Variants in TXNDC12 observed in about 807,000 individuals in gnomAD.
The protein encoded by TXNDC12 is thioredoxin domain containing 12.
In TXNDC12, 22 loss-of-function variants were observed where a neutral mutation model predicts 24.2. The ratio of observed to expected loss-of-function variants is 0.91; its 90% confidence interval spans 0.65 to 1.30. The LOEUF (loss-of-function observed/expected upper bound fraction) is 1.30. TXNDC12 is among the 50% of genes most tolerant of loss of function. The pLI is 0.00. For synonymous variants in TXNDC12, 58 were observed against 73.4 expected (o/e 0.79, Z 1.07); for missense variants, 184 against 205.8 (o/e 0.89, Z 0.65).
chr1:52,055,126 A>T lies in TXNDC12; in HGVS notation c.-30T>A. The stretch of plus-strand genomic sequence containing the variant: ...GTAGGTGCGCGGGGCCACGGGGCTG[A>T]GCGGACGCAGGGCCGGAGTCCCAGC... On this transcript the variant is annotated 5_prime_UTR_variant, in exon 1 of 7. Transcript: ENST00000371626. 6.5e-7 allele frequency: 1 copy of T among 1,538,688 alleles called. No individual in the cohort carries two copies. The highest frequency in any genetic ancestry group is 9.0e-7 in the Non-Finnish European group (1 of 1,111,966).
intron 6 of TXNDC12, among the ~76,000 whole-genome samples, chr1:52,022,156 C>T (rs1685607456): frequency 6.6e-6 from 1 of 152,144 alleles, no homozygotes; most frequent in African/African-American, 2.4e-5. Flanking sequence ...TCCTCCCCGT[C>T]CCTAGTCTGA....
rs1242032235 is a variant in TXNDC12, at chr1:52,032,690, C to CATTAAAAAA, written c.159-4061_159-4060insTTTTTTAAT. ...AGAAGCCATGGCTTCCCCCCTACCT[C>CATTAAAAAA]CTCTGGTCAGTGCAGGCTCTGGCTC... is the stretch of plus-strand genomic sequence containing the variant. On this transcript the variant is annotated intron_variant, in intron 2 of 6. Coordinates refer to ENST00000371626, the MANE Select transcript of TXNDC12 (RefSeq NM_015913.4). 3.2e-6 allele frequency: 5 copies of CATTAAAAAA among 1,586,642 alleles called. No homozygotes were observed. The Admixed American group carries it at 5.4e-5, about 17-fold the overall frequency.
intron 4 of TXNDC12, among the ~76,000 whole-genome samples, chr1:52,025,573 T>A (rs1303221472): frequency 6.6e-6 from 1 of 152,148 alleles, no homozygotes; most frequent in East Asian, 1.9e-4. Context: ...TATGAAGACG[T>A]TTTTACTGTT....
chr1:52,030,923 T>C (rs1685741941), intron 2 of TXNDC12, among the ~76,000 whole-genome samples: 1 of 152,264 alleles, frequency 6.6e-6, no homozygotes, highest in African/African-American at 2.4e-5. Context: ...ACATTCATGC[T>C]TATTTGTTTA....
At chr1:52,035,067 C>T (rs1387785212) in intron 2 of TXNDC12, among the ~76,000 whole-genome samples, 2 of 152,114 alleles carry the variant, frequency 1.3e-5, no homozygotes, top group Non-Finnish European at 2.9e-5. Flanking sequence ...CCTGGCCATC[C>T]GTTATTTTTA....
chr1:52,021,686 A>G (rs975328327), intron 6 of TXNDC12, among the ~76,000 whole-genome samples: 2 of 151,942 alleles, frequency 1.3e-5, no homozygotes, highest in Admixed American at 6.6e-5. Flanking sequence ...GGGGACAGCT[A>G]TTTCAGTATA....
intron 6 of TXNDC12, among the ~76,000 whole-genome samples, chr1:52,022,805 A>T (rs1479935793): frequency 6.7e-6 from 1 of 150,204 alleles, no homozygotes; most frequent in Non-Finnish European, 1.5e-5. Flanking sequence ...CACGCCAGCT[A>T]ATTTTTTGTA....
At chr1:52,024,731 C>T (rs1265867215) in intron 4 of TXNDC12, 152 bp from the exon 5 acceptor site, 1 of 608,252 alleles carries the variant, frequency 1.6e-6, no homozygotes, top group East Asian at 2.8e-5. Context: ...ACTTCTCTAA[C>T]TTAATGTCCT....
chr1:52,055,333 G>GA, upstream of TXNDC12: 1 of 478,386 alleles, frequency 2.1e-6, no homozygotes, highest in Non-Finnish European at 3.8e-6. Context: ...AGCTGTTCTC[G>GA]AGCGCGAGTT....
At chr1:52,039,163 G>A (rs971270831) in intron 2 of TXNDC12, among the ~76,000 whole-genome samples, 25 of 148,902 alleles carry the variant, frequency 1.7e-4, no homozygotes, top group African/African-American at 6.2e-4. Flanking sequence ...TCAGTCTACA[G>A]TACATATCAA....
At chr1:52,032,146 A>G in intron 2 of TXNDC12, 1 of 968,908 alleles carries the variant, frequency 1.0e-6, no homozygotes, top group Non-Finnish European at 1.2e-6. Context: ...AATCTAGTAG[A>G]TAACTTTCTT....
In TXNDC12 at chr1:52,032,312, C is replaced by T. The variant is rs1035301533; in HGVS notation, c.159-3682G>A. On this transcript the variant is annotated intron_variant, in intron 2 of 6. Coordinates refer to ENST00000371626, the MANE Select transcript of TXNDC12 (RefSeq NM_015913.4). ...AGGTGCAGATGTAGAACTGTACCATCTTCAGTTTCTGTTCACAATTGTTTT... is the reference window on the plus strand; with the variant it reads ...AGGTGCAGATGTAGAACTGTACCATTTTCAGTTTCTGTTCACAATTGTTTT... 5.9e-6 allele frequency: 6 copies of T among 1,009,544 alleles called. No individual in the cohort carries two copies. In the Admixed American group the frequency reaches 3.2e-4, roughly 54 times the overall value. 62.5% of individuals were successfully genotyped at this position (1,009,544 alleles called of 1,614,324 possible). A position where few individuals can be genotyped will look rare whatever the true frequency, so the allele number is the denominator to read the frequency against.
chr1:52,034,514 G>C (rs189103675), intron 2 of TXNDC12, among the ~76,000 whole-genome samples: 4 of 152,272 alleles, frequency 2.6e-5, no homozygotes, highest in African/African-American at 9.6e-5. Flanking sequence ...ACATTTTTAA[G>C]CTTAAGTGTG....
At position 52,020,308 on chromosome 1, in the gene TXNDC12, G is replaced by T; in HGVS notation, c.*625C>A. 1 of 397,072 alleles carries T rather than the reference G, an allele frequency of 2.5e-6. No individual in the cohort carries two copies. Among genetic ancestry groups the T allele is most frequent in the Non-Finnish European group, 5.0e-6 (1 of 201,434 alleles). 24.6% of individuals were successfully genotyped at this position (397,072 alleles called of 1,614,324 possible). On this transcript the variant is annotated 3_prime_UTR_variant, in exon 7 of 7. Transcript: ENST00000371626. ...TGCTTCCACCTGGAGCCGAGTCCAAGCACACAGCCAGTCCTGCACACGCAT... is the reference window on the plus strand; with the variant it reads ...TGCTTCCACCTGGAGCCGAGTCCAATCACACAGCCAGTCCTGCACACGCAT...
intron 1 of TXNDC12, among the ~76,000 whole-genome samples, chr1:52,043,098 C>T (rs144843027): frequency 2.2e-4 from 33 of 152,326 alleles, no homozygotes; most frequent in African/African-American, 5.8e-4. Context: ...CACGCACTCT[C>T]TCCCCTCCAG....
At chr1:52,025,915 T>C (rs2783177) in intron 4 of TXNDC12, among the ~76,000 whole-genome samples, 5,541 of 151,788 alleles carry the variant, frequency 0.037, 130 homozygotes, top group African/African-American at 0.043. Context: ...CTGCAACCTC[T>C]GCCTCCTGGG....
In TXNDC12 at chr1:52,029,569, T is replaced by C. The variant is rs149931744; in HGVS notation, c.159-939A>G. Among the ~76,000 whole-genome samples the C allele has an allele frequency of 1.1e-3, 162 of 152,332 alleles. 3 individuals are homozygous for C. In the East Asian group the frequency reaches 0.022, roughly 21 times the overall value. On this transcript the variant is annotated intron_variant, in intron 2 of 6. Coordinates refer to ENST00000371626, the MANE Select transcript of TXNDC12 (RefSeq NM_015913.4). ...CACCATAACAACATACACTGTATAA[T>C]AGCTACCATGCACTTAACATATTGA...
chr1:52,044,056 C>G (rs967376779), intron 1 of TXNDC12: 3 of 152,210 alleles, frequency 2.0e-5, no homozygotes, highest in Admixed American at 6.5e-5. Context: ...AGGTGTCTAA[C>G]ATGATCACCA....
Position 52,020,329 on chromosome 1 carries a change from C to G in TXNDC12, c.*604G>C, listed in dbSNP as rs572347403. ...CCAAGCACACAGCCAGTCCTGCACA[C>G]GCATGCGTGCAAACAGGGAAGCTCA... On this transcript the variant is annotated 3_prime_UTR_variant, in exon 7 of 7. Coordinates refer to ENST00000371626, the MANE Select transcript of TXNDC12 (RefSeq NM_015913.4). 2.4e-6 allele frequency: 1 copy of G among 412,220 alleles called. No individual in the cohort carries two copies. The highest frequency in any genetic ancestry group is 2.5e-5 in the South Asian group (1 of 39,380). The allele number at this position is 412,220 out of a possible 1,614,324, so 25.5% of individuals were successfully genotyped here.
Sources: gnomAD v4.1 joint callset for allele counts (sites outside exome capture counted in the v4.1 genomes callset) on GRCh38, gnomAD v4.1.1 for gene constraint, MANE v1.5 for transcripts, NCBI Gene and HGNC (gene_info 2026-07-23, HGNC 2026-07-21) for gene names.